Variants in ITGB1 observed in about 807,000 individuals in gnomAD.
ITGB1 encodes integrin subunit beta 1, also known as integrin beta-1.
ITGB1 carries 24 observed loss-of-function variants against 86.5 expected under a neutral mutation model. The observed-to-expected ratio is 0.28, with a 90% CI of 0.20 to 0.39. ITGB1 has a LOEUF of 0.39. Ranked by LOEUF, ITGB1 falls within the 10% of genes least tolerant of loss-of-function variation. The probability of loss-of-function intolerance (pLI) is 1.00; values close to 1 mark genes in which losing one functional copy is unlikely to be tolerated. For missense variants in ITGB1, 556 were observed against 946.9 expected, an observed-to-expected ratio of 0.59 and a Z score of 5.42; for synonymous variants, 323 against 316.8, an observed-to-expected ratio of 1.02 and a Z score of -0.21.
chr10:32,920,835 T>C (rs1190731423), intron 9 of ITGB1, among the ~76,000 whole-genome samples: 2 of 147,132 alleles, frequency 1.4e-5, no homozygotes, highest in Non-Finnish European at 3.0e-5. Flanking sequence ...AAAAAAAATT[T>C]ATCCAAGCAT....
At chr10:32,936,516 C>T (rs2137242139) in intron 1 of ITGB1, among the ~76,000 whole-genome samples, 1 of 151,888 alleles carries the variant, frequency 6.6e-6, no homozygotes, top group South Asian at 2.1e-4. Context: ...TGTCCAGACC[C>T]CCCACCTCTC....
intron 11 of ITGB1, among the ~76,000 whole-genome samples, chr10:32,913,452 A>ACC (rs2094920381): frequency 6.6e-6 from 1 of 152,186 alleles, no homozygotes; most frequent in Non-Finnish European, 1.5e-5. Flanking sequence ...AATTAGAATA[A>ACC]AGAGCGTAGA....
chr10:32,921,129 A>G (rs975168572), intron 9 of ITGB1, among the ~76,000 whole-genome samples: 2 of 151,408 alleles, frequency 1.3e-5, no homozygotes, highest in Non-Finnish European at 2.9e-5. Flanking sequence ...GCAGTCTAGG[A>G]ACAAATTTGC....
chr10:32,918,211 G>A (rs2094938038), intron 11 of ITGB1, among the ~76,000 whole-genome samples: 1 of 152,070 alleles, frequency 6.6e-6, no homozygotes, highest in African/African-American at 2.4e-5. Flanking sequence ...GGGGTAGGGG[G>A]CAGGGATAGC....
At chr10:32,915,506 C>T (rs906462864) in intron 11 of ITGB1, among the ~76,000 whole-genome samples, 1 of 152,168 alleles carries the variant, frequency 6.6e-6, no homozygotes, top group Admixed American at 6.5e-5. Context: ...AACAGAAATA[C>T]AAACTACCAT....
intron 1 of ITGB1, among the ~76,000 whole-genome samples, chr10:32,950,189 A>G (rs1470361601): frequency 6.6e-6 from 1 of 152,222 alleles, no homozygotes; most frequent in East Asian, 1.9e-4. Flanking sequence ...AAAGGGGAAG[A>G]AATAGGCCAA....
In ITGB1 at chr10:32,912,036, T is replaced by C; in HGVS notation, c.1558A>G (p.Asn520Asp). ...EDMDAYCRKE[N>D]SSEICSNNGE... ...TTGTTACTGCAGATTTCTGAACTGT[T>C]TTCTTTCCTGCAGTAAGCATCCATG... The change falls in exon 12 of 16, where the codon AAC becomes GAC. Residue 520 changes from asparagine (N) to aspartate (D), a missense_variant. Physicochemically the swap from Asn to Asp is conservative, Grantham distance 23. Around this residue, in one of 4 missense-constraint regions of ITGB1, gnomAD observed 330 missense variants for 531.5 expected, o/e 0.62. Transcript: ENST00000302278. 1 of 1,614,198 alleles carries C rather than the reference T, an allele frequency of 6.2e-7. No homozygotes were observed. The highest frequency in any genetic ancestry group is 1.3e-5 in the African/African-American group (1 of 75,056).
chr10:32,953,106 G>A (rs16933826), intron 1 of ITGB1, among the ~76,000 whole-genome samples: 1 of 152,194 alleles, frequency 6.6e-6, no homozygotes. Context: ...GTCCTTGAAT[G>A]TGACAACCAT....
intron 13 of ITGB1, 50 bp downstream of exon 13, chr10:32,911,398 G>C: frequency 6.8e-7 from 1 of 1,481,342 alleles, no homozygotes; most frequent in Non-Finnish European, 9.4e-7. Context: ...ACAGGCTTAG[G>C]AGAGCCAAGA....
chr10:32,935,579 T>C (rs1274424278), intron 1 of ITGB1, 21 bp from the exon 2 acceptor site: 1 of 1,515,302 alleles, frequency 6.6e-7, no homozygotes. Flanking sequence ...AAATGTGCCT[T>C]ATATTAGTTA....
Position 32,918,631 on chromosome 10 carries a change from C to T in ITGB1, c.1469+1254G>A, listed in dbSNP as rs138438906. On this transcript the variant is annotated intron_variant, in intron 11 of 15. Transcript: ENST00000302278. ...AGGAAAGTAACCATTTTGGTCAAGA[C>T]AAAAATGTAATCTAGCAATGAATAG... Among the ~76,000 whole-genome samples, 976 of 152,012 alleles carry T rather than the reference C, an allele frequency of 6.4e-3. 8 individuals are homozygous for T. Among genetic ancestry groups the T allele is most frequent in the African/African-American group, 0.021 (871 of 41,466 alleles).
chr10:32,909,445 A>G (rs754908348), intron 14 of ITGB1, among the ~76,000 whole-genome samples: 1 of 152,214 alleles, frequency 6.6e-6, no homozygotes, highest in East Asian at 1.9e-4. Context: ...CTTAAAGACA[A>G]TGTAAAAGCA....
chr10:32,919,250 C>A (rs2094941274), intron 11 of ITGB1, among the ~76,000 whole-genome samples: 1 of 152,154 alleles, frequency 6.6e-6, no homozygotes, highest in African/African-American at 2.4e-5. Context: ...TCTTCCTATT[C>A]TTTTACAGAG....
At chr10:32,916,928 C>G (rs2094933524) in intron 11 of ITGB1, among the ~76,000 whole-genome samples, 1 of 152,206 alleles carries the variant, frequency 6.6e-6, no homozygotes, top group Admixed American at 6.5e-5. Flanking sequence ...ATCACGCTAC[C>G]TGACTTCAAA....
intron 15 of ITGB1, among the ~76,000 whole-genome samples, chr10:32,905,004 G>A (rs2094892107): frequency 6.7e-6 from 1 of 148,348 alleles, no homozygotes; most frequent in Non-Finnish European, 1.5e-5. Flanking sequence ...GTCAACATTT[G>A]ACTATTTTTG....
At chr10:32,925,525 A>G (rs2094961875) in intron 6 of ITGB1, among the ~76,000 whole-genome samples, 1 of 152,216 alleles carries the variant, frequency 6.6e-6, no homozygotes, top group Non-Finnish European at 1.5e-5. Context: ...CATCAATTCT[A>G]TCTCTAGTAC....
intron 11 of ITGB1, among the ~76,000 whole-genome samples, chr10:32,916,993 G>C (rs566469022): frequency 6.6e-6 from 1 of 152,170 alleles, no homozygotes; most frequent in East Asian, 1.9e-4. Flanking sequence ...CCAAAACAGA[G>C]ATATAGACCT....
intron 1 of ITGB1, among the ~76,000 whole-genome samples, chr10:32,939,006 C>G (rs902944329): frequency 6.6e-6 from 1 of 152,138 alleles, no homozygotes; most frequent in Non-Finnish European, 1.5e-5. Flanking sequence ...CCTGCACATG[C>G]GCATGGAAGG....
intron 15 of ITGB1, among the ~76,000 whole-genome samples, chr10:32,904,374 T>C (rs1303354435): frequency 2.6e-5 from 4 of 152,210 alleles, no homozygotes; most frequent in African/African-American, 9.6e-5. Context: ...CACTCTGGAA[T>C]GGCTGACAGT....
Sources: gnomAD v4.1 joint callset for allele counts (sites outside exome capture counted in the v4.1 genomes callset) on GRCh38, gnomAD v4.1.1 for gene constraint, gnomAD v4.1.1 regional missense constraint, MANE v1.5 for transcripts, NCBI Gene and HGNC (gene_info 2026-07-23, HGNC 2026-07-21) for gene names.